Variants in SVOP observed in about 807,000 individuals in gnomAD.
SVOP encodes SV2 related protein.
A neutral mutation model predicts 69.1 loss-of-function variants in SVOP; 17 were observed. The observed-to-expected ratio is 0.25, with a 90% CI of 0.17 to 0.37. The LOEUF is 0.37. Among genes scored for constraint, SVOP ranks in the 10% least tolerant of loss-of-function variants. The pLI is 1.00. For synonymous variants in SVOP, 238 were observed against 238.6 expected, an observed-to-expected ratio of 1.00 and a Z score of 0.02; for missense variants, 435 against 597.5, an observed-to-expected ratio of 0.73 and a Z score of 2.84.
chr12:108,986,444 A>G (rs1260833221), intron 1 of SVOP, among the ~76,000 whole-genome samples: 4 of 152,194 alleles, frequency 2.6e-5, no homozygotes, highest in Non-Finnish European at 4.4e-5. Context: ...TATTTCAAGC[A>G]TATAAAATTA....
chr12:108,916,340 C>T (rs950445202), intron 14 of SVOP, among the ~76,000 whole-genome samples: 1 of 152,204 alleles, frequency 6.6e-6, no homozygotes, highest in African/African-American at 2.4e-5. Flanking sequence ...CATCTTCCAG[C>T]CCAAGGTAAT....
chr12:108,989,236 C>T (rs934874636), intron 1 of SVOP, among the ~76,000 whole-genome samples: 4 of 152,114 alleles, frequency 2.6e-5, no homozygotes, highest in African/African-American at 9.7e-5. Flanking sequence ...CCACACCTAG[C>T]TTTTTGTTAG....
chr12:108,919,723 A>T lies in SVOP; in HGVS notation c.1220T>A (p.Phe407Tyr), dbSNP rs769888247. 1.3e-5 allele frequency: 21 copies of T among 1,608,608 alleles called. No homozygotes were observed. The highest frequency in any genetic ancestry group is 1.8e-5 in the Non-Finnish European group (21 of 1,177,432). Residue 407 changes from phenylalanine to tyrosine, a missense_variant, in exon 13 of 16, where the codon TTT becomes TAT. By Grantham distance (22) the Phe-to-Tyr change is conservative. Coordinates refer to ENST00000610966, the MANE Select transcript of SVOP (RefSeq NM_018711.5). Reference sequence around the variant, plus strand: ...GAGGCTGCAGAAGGAGAAGATGACAAAGCACAGGGCCATGGTCTTCTTGCG... The same window carrying T: ...GAGGCTGCAGAAGGAGAAGATGACATAGCACAGGGCCATGGTCTTCTTGCG... ...LGRKKTMALC[F>Y]VIFSFCSLLL...
intron 6 of SVOP, among the ~76,000 whole-genome samples, chr12:108,957,681 T>A (rs1566057101): frequency 6.6e-6 from 1 of 152,202 alleles, no homozygotes; most frequent in Non-Finnish European, 1.5e-5. Flanking sequence ...AATTTTGGTG[T>A]TAAATGGACA....
intron 7 of SVOP, among the ~76,000 whole-genome samples, chr12:108,943,706 A>G (rs1017445846): frequency 1.5e-4 from 23 of 152,154 alleles, no homozygotes; most frequent in African/African-American, 5.3e-4. Flanking sequence ...CTGAGAGAGG[A>G]CAGAGTGTCA....
intron 1 of SVOP, among the ~76,000 whole-genome samples, chr12:109,008,420 C>T (rs1007102647): frequency 2.0e-5 from 3 of 152,036 alleles, no homozygotes; most frequent in African/African-American, 7.2e-5. Context: ...CTTTAAGTTT[C>T]CTTCCATTTC....
At chr12:108,975,356 G>A (rs1050233065) in intron 4 of SVOP, among the ~76,000 whole-genome samples, 1 of 152,182 alleles carries the variant, frequency 6.6e-6, no homozygotes, top group African/African-American at 2.4e-5. Context: ...ATTTACCCAT[G>A]AGACTTAATG....
At chr12:108,948,405 C>T (rs1302332091) in intron 6 of SVOP, among the ~76,000 whole-genome samples, 1 of 152,156 alleles carries the variant, frequency 6.6e-6, no homozygotes, top group Non-Finnish European at 1.5e-5. Context: ...GAGATTTAGA[C>T]AAAGTTCTAT....
At position 109,000,289 on chromosome 12, in the gene SVOP, T is replaced by G. The variant is rs1347310907; in HGVS notation, c.36-16528A>C. The stretch of plus-strand genomic sequence containing the variant: ...GAAGTTGAATCTCTGAATAGACCAA[T>G]AACAGGAGCTGAAATTGTGGCAATA... On this transcript the variant is annotated intron_variant, in intron 1 of 15. Coordinates refer to ENST00000610966, the MANE Select transcript of SVOP (RefSeq NM_018711.5). Among the ~76,000 whole-genome samples, 5 of 148,214 alleles carry G rather than the reference T, an allele frequency of 3.4e-5. No individual in the cohort carries two copies. In the South Asian group the frequency reaches 1.1e-3, roughly 32 times the overall value.
At chr12:108,949,166 A>T (rs1380338084) in intron 6 of SVOP, among the ~76,000 whole-genome samples, 2 of 152,188 alleles carry the variant, frequency 1.3e-5, no homozygotes, top group African/African-American at 4.8e-5. Flanking sequence ...TTAGCAATAC[A>T]TAAGCATGCA....
At position 108,996,885 on chromosome 12, in the gene SVOP, T is replaced by C. The variant is rs568819627; in HGVS notation, c.36-13124A>G. ...AGTTTGAGGTTGCAGTGGGCTGTGA[T>C]TACACCACTGCACTCCAGCCTGGGT... On this transcript the variant is annotated intron_variant, in intron 1 of 15. Coordinates refer to ENST00000610966, the MANE Select transcript of SVOP (RefSeq NM_018711.5). 3.3e-5 allele frequency among the ~76,000 whole-genome samples: 5 copies of C among 152,134 alleles called. No individual in the cohort carries two copies. The South Asian group carries it at 8.3e-4, about 25-fold the overall frequency.
At chr12:108,991,970 G>A (rs2040204599) in intron 1 of SVOP, among the ~76,000 whole-genome samples, 1 of 152,188 alleles carries the variant, frequency 6.6e-6, no homozygotes, top group East Asian at 1.9e-4. Flanking sequence ...ATAAACCAAA[G>A]TAGGTATTTA....
chr12:108,946,543 A>T (rs1322843034), intron 6 of SVOP, among the ~76,000 whole-genome samples: 1 of 151,824 alleles, frequency 6.6e-6, no homozygotes, highest in Non-Finnish European at 1.5e-5. Context: ...CTATTTATAC[A>T]ATGGGTCGAA....
At chr12:108,925,903 T>A (rs1011908288) in intron 11 of SVOP, among the ~76,000 whole-genome samples, 2 of 151,150 alleles carry the variant, frequency 1.3e-5, no homozygotes, top group Admixed American at 1.3e-4. Context: ...TGCCCCTTTA[T>A]CTGCCCTACA....
intron 4 of SVOP, among the ~76,000 whole-genome samples, chr12:108,974,233 A>G (rs1230118413): frequency 1.3e-5 from 2 of 152,186 alleles, no homozygotes; most frequent in African/African-American, 4.8e-5. Context: ...AGCAATAATC[A>G]TTCAGGAATA....
chr12:108,984,998 G>A (rs1479080917), intron 1 of SVOP, among the ~76,000 whole-genome samples: 1 of 152,152 alleles, frequency 6.6e-6, no homozygotes. Context: ...AGGCTGAGGA[G>A]GGAGGATTGC....
intron 10 of SVOP, among the ~76,000 whole-genome samples, chr12:108,936,115 G>A (rs1235430754): frequency 2.0e-5 from 3 of 150,960 alleles, no homozygotes; most frequent in East Asian, 4.0e-4. Context: ...GAGCAATGTC[G>A]GCTCACTGCA....
intron 4 of SVOP, among the ~76,000 whole-genome samples, chr12:108,974,129 CT>C (rs937266915): frequency 5.9e-5 from 9 of 152,004 alleles, no homozygotes; most frequent in Non-Finnish European, 8.8e-5. Flanking sequence ...TTCCTCAAAA[CT>C]TTTTTTTATG....
intron 1 of SVOP, among the ~76,000 whole-genome samples, chr12:109,015,711 T>G (rs2040364373): frequency 6.6e-6 from 1 of 152,120 alleles, no homozygotes; most frequent in African/African-American, 2.4e-5. Flanking sequence ...GATAATCGCT[T>G]GAACCTGGGA....
Sources: gnomAD v4.1 joint callset for allele counts (sites outside exome capture counted in the v4.1 genomes callset) on GRCh38, gnomAD v4.1.1 for gene constraint, MANE v1.5 for transcripts, NCBI Gene and HGNC (gene_info 2026-07-23, HGNC 2026-07-21) for gene names.